PPFIA2: variants seen among roughly 807,000 people sequenced by gnomAD.
PPFIA2 encodes the protein liprin-alpha-2.
A neutral mutation model predicts 175.5 loss-of-function variants in PPFIA2; 46 were observed. The observed-to-expected ratio is 0.26, with a 90% CI of 0.21 to 0.34. The LOEUF is 0.34. PPFIA2 is among the 10% of genes least tolerant of loss of function. The pLI is 1.00. For synonymous variants in PPFIA2, 568 were observed against 511.4 expected, an observed-to-expected ratio of 1.11 and a Z score of -1.49; for missense variants, 1,179 against 1,506.1, an observed-to-expected ratio of 0.78 and a Z score of 3.60.
intron 3 of PPFIA2, among the ~76,000 whole-genome samples, chr12:81,727,756 T>C (rs577774041): frequency 6.6e-6 from 1 of 151,554 alleles, no homozygotes; most frequent in Non-Finnish European, 1.5e-5. Flanking sequence ...TTTATGAAAC[T>C]TTCAGGTGAT....
intron 4 of PPFIA2, among the ~76,000 whole-genome samples, chr12:81,513,802 G>T (rs187149587): frequency 6.6e-6 from 1 of 151,936 alleles, no homozygotes; most frequent in Admixed American, 6.6e-5. Flanking sequence ...GAAGATCATT[G>T]TCATAAGAAT....
At chr12:81,723,282 C>T (rs2079595792) in intron 3 of PPFIA2, among the ~76,000 whole-genome samples, 1 of 151,084 alleles carries the variant, frequency 6.6e-6, no homozygotes, top group Admixed American at 6.6e-5. Flanking sequence ...AAAGGGGACA[C>T]AGTTTGCCAG....
chr12:81,405,982 G>A, intron 7 of PPFIA2, 79 bp from the exon 8 acceptor site: 5 of 734,314 alleles, frequency 6.8e-6, no homozygotes, highest in South Asian at 2.0e-5. Flanking sequence ...ACTTCAATGT[G>A]GTTAAGAACT....
At chr12:81,688,911 T>C (rs1156683579) in intron 3 of PPFIA2, among the ~76,000 whole-genome samples, 2 of 151,016 alleles carry the variant, frequency 1.3e-5, no homozygotes, top group African/African-American at 2.4e-5. Context: ...AATTTAGGTA[T>C]TAAGCCAATT....
At chr12:81,466,448 T>C (rs1291767298) in intron 4 of PPFIA2, among the ~76,000 whole-genome samples, 2 of 152,154 alleles carry the variant, frequency 1.3e-5, no homozygotes, top group African/African-American at 2.4e-5. Context: ...TTTCAAAAAG[T>C]GGATGTTTGT....
chr12:81,275,706 T>C (rs1052976477), intron 28 of PPFIA2, among the ~76,000 whole-genome samples: 1 of 152,040 alleles, frequency 6.6e-6, no homozygotes, highest in East Asian at 1.9e-4. Context: ...GAAATGTAAA[T>C]ACAACTAATA....
intron 4 of PPFIA2, among the ~76,000 whole-genome samples, chr12:81,559,414 G>C (rs778219535): frequency 6.6e-6 from 1 of 152,094 alleles, no homozygotes; most frequent in African/African-American, 2.4e-5. Context: ...GTGTGTTATG[G>C]GTCCTTCAAA....
At position 81,724,554 on chromosome 12, in the gene PPFIA2, C is replaced by A. The variant is rs151204795; in HGVS notation, c.249+29419G>T. 6.7e-3 allele frequency among the ~76,000 whole-genome samples: 1,005 copies of A among 151,010 alleles called. 5 individuals carry two copies. The highest frequency in any genetic ancestry group is 0.012 in the Admixed American group (182 of 15,082). ...TCCACATGTATGCATTATTTAGCTC[C>A]CAATTATAATTGAGAACATTCGACT... On this transcript the variant is annotated intron_variant, in intron 3 of 32. Coordinates refer to ENST00000549396, the MANE Select transcript of PPFIA2 (RefSeq NM_003625.5).
At chr12:81,261,737 A>C (rs2035617892) in intron 32 of PPFIA2, among the ~76,000 whole-genome samples, 1 of 152,226 alleles carries the variant, frequency 6.6e-6, no homozygotes, top group Non-Finnish European at 1.5e-5. Flanking sequence ...TCCAACAGGC[A>C]GACCTTAAAC....
intron 4 of PPFIA2, among the ~76,000 whole-genome samples, chr12:81,537,824 G>C (rs539203839): frequency 6.6e-6 from 1 of 151,818 alleles, no homozygotes; most frequent in East Asian, 1.9e-4. Flanking sequence ...AGCTCTAAGG[G>C]AGAAGAGAAC....
intron 3 of PPFIA2, among the ~76,000 whole-genome samples, chr12:81,719,425 T>A (rs1168529117): frequency 6.6e-6 from 1 of 151,556 alleles, no homozygotes; most frequent in African/African-American, 2.4e-5. Context: ...TAATTCTGCT[T>A]CCTGATTCTT....
chr12:81,447,825 A>G (rs2051594466), intron 5 of PPFIA2, among the ~76,000 whole-genome samples: 1 of 152,204 alleles, frequency 6.6e-6, no homozygotes, highest in South Asian at 2.1e-4. Flanking sequence ...AGTTAAATTT[A>G]CATACCTCAT....
chr12:81,358,874 C>T (rs1249445685), intron 15 of PPFIA2, among the ~76,000 whole-genome samples: 3 of 151,980 alleles, frequency 2.0e-5, no homozygotes, highest in Non-Finnish European at 4.4e-5. Context: ...GAAGAAAAAT[C>T]TTTTCATAAG....
chr12:81,601,132 A>C (rs895364409), intron 4 of PPFIA2, among the ~76,000 whole-genome samples: 1 of 151,960 alleles, frequency 6.6e-6, no homozygotes, highest in Non-Finnish European at 1.5e-5. Context: ...AGGAGATGAA[A>C]ATAGTATAGA....
intron 3 of PPFIA2, among the ~76,000 whole-genome samples, chr12:81,697,153 T>C (rs1434197021): frequency 6.6e-6 from 1 of 152,114 alleles, no homozygotes; most frequent in Non-Finnish European, 1.5e-5. Flanking sequence ...AAATGTATAA[T>C]GAATTAAGCA....
At chr12:81,362,240 A>T (rs1395916946) in intron 15 of PPFIA2, among the ~76,000 whole-genome samples, 2 of 150,612 alleles carry the variant, frequency 1.3e-5, no homozygotes, top group African/African-American at 4.9e-5. Flanking sequence ...AAGTGACCAT[A>T]ATCAATAATA....
chr12:81,496,927 C>T (rs571996609), intron 4 of PPFIA2, among the ~76,000 whole-genome samples: 1 of 152,268 alleles, frequency 6.6e-6, no homozygotes, highest in South Asian at 2.1e-4. Context: ...GTATGACATG[C>T]CCCAGAGCAA....
chr12:81,633,168 T>G (rs2063587849), intron 4 of PPFIA2, among the ~76,000 whole-genome samples: 1 of 152,096 alleles, frequency 6.6e-6, no homozygotes, highest in Non-Finnish European at 1.5e-5. Flanking sequence ...GTGGCTATTT[T>G]TATTACAATG....
chr12:81,440,511 G>A (rs868448778), intron 6 of PPFIA2, among the ~76,000 whole-genome samples: 2 of 152,116 alleles, frequency 1.3e-5, no homozygotes, highest in South Asian at 4.2e-4. Context: ...TTGCCTGAAG[G>A]AAAGGCCTTT....
Sources: gnomAD v4.1 joint callset for allele counts (sites outside exome capture counted in the v4.1 genomes callset) on GRCh38, gnomAD v4.1.1 for gene constraint, MANE v1.5 for transcripts, NCBI Gene and HGNC (gene_info 2026-07-23, HGNC 2026-07-21) for gene names.